Variants in NLRC3 observed in about 807,000 individuals in gnomAD.
The protein encoded by NLRC3 is NLR family CARD domain-containing protein 3.
Under a neutral mutation model 91.6 loss-of-function variants are expected in NLRC3, and 87 were observed. The observed-to-expected ratio is 0.95, with a 90% CI of 0.80 to 1.14. The LOEUF (loss-of-function observed/expected upper bound fraction) is 1.14. NLRC3 is among the 50% of genes most tolerant of loss of function. The probability of loss-of-function intolerance (pLI) is 0.00; values close to 1 mark genes in which losing one functional copy is unlikely to be tolerated. For synonymous variants in NLRC3, 694 were observed against 625.3 expected (o/e 1.11, Z -1.64); for missense variants, 1,577 against 1,418.6 (o/e 1.11, Z -1.79).
rs900736880 is a variant in NLRC3, at chr16:3,542,187, T to A, written c.3107+4A>T. The A allele has an allele frequency of 6.4e-7, 1 of 1,567,830 alleles. No homozygotes were observed. Among genetic ancestry groups the A allele is most frequent in the Admixed American group, 1.8e-5 (1 of 54,880 alleles). On this transcript the variant is annotated splice_donor_region_variant and intron_variant, in intron 19 of 19. Coordinates refer to ENST00000359128, the MANE Select transcript of NLRC3 (RefSeq NM_178844.4). ...GGGTGAGCAGGAAGGGCAGGTGCACTCACTTGATATGCTGGAGCCTGTGGT... is the reference window on the plus strand; with the variant it reads ...GGGTGAGCAGGAAGGGCAGGTGCACACACTTGATATGCTGGAGCCTGTGGT...
At position 3,542,712 on chromosome 16, in the gene NLRC3, G is replaced by A. The variant is rs750907325; in HGVS notation, c.3003C>T (p.Asn1001=). ...AKALANALKV[N]SSLRRLNLQE... Reference sequence around the variant, plus strand: ...CTTACTTGAGTCTCCGGAGACTTGAGTTTACCTTCAGAGCATTTGCCAGGG... The same window carrying A: ...CTTACTTGAGTCTCCGGAGACTTGAATTTACCTTCAGAGCATTTGCCAGGG... The change falls in exon 18 of 20, where the codon AAC becomes AAT. Residue 1001 remains asparagine (N), a synonymous_variant. Coordinates refer to ENST00000359128, the MANE Select transcript of NLRC3 (RefSeq NM_178844.4). 1.3e-5 allele frequency: 21 copies of A among 1,610,204 alleles called. No homozygotes were observed. In the South Asian group the frequency reaches 2.3e-4, roughly 18 times the overall value.
rs1302605323 is a variant in NLRC3, at chr16:3,563,289, G to A, written c.1648C>T (p.Leu550=). ...GCATCGGGGCGCAGGCAGCCCTGCAGGAGCTCAGCCACCTGGGTCCGGTAG... is the reference window on the plus strand; with the variant it reads ...GCATCGGGGCGCAGGCAGCCCTGCAAGAGCTCAGCCACCTGGGTCCGGTAG... ...QAYRTQVAEL[L]QGCLRPDAAV... Residue 550 remains leucine (L), a synonymous_variant, in exon 5 of 20, where the codon CTG becomes TTG. Coordinates refer to ENST00000359128, the MANE Select transcript of NLRC3 (RefSeq NM_178844.4). 4.4e-6 allele frequency: 7 copies of A among 1,603,564 alleles called. No individual in the cohort carries two copies. The highest frequency in any genetic ancestry group is 6.0e-6 in the Non-Finnish European group (7 of 1,176,194).
At chr16:3,558,255 T>C (rs1859379) in intron 6 of NLRC3, among the ~76,000 whole-genome samples, 97,278 of 151,956 alleles carry the variant, frequency 0.64, 33,778 homozygotes, top group African/African-American at 0.91. Flanking sequence ...GGATTTAGCC[T>C]AGAAGGTTGA....
intron 1 of NLRC3, among the ~76,000 whole-genome samples, chr16:3,576,019 GC>G (rs1010022670): frequency 6.6e-6 from 1 of 152,192 alleles, no homozygotes; most frequent in Non-Finnish European, 1.5e-5. Flanking sequence ...GCACCTCAGG[GC>G]CCTACCCTGC....
At chr16:3,560,654 TC>T (rs1252179852) in intron 6 of NLRC3, among the ~76,000 whole-genome samples, 7 of 152,148 alleles carry the variant, frequency 4.6e-5, no homozygotes, top group Middle Eastern at 3.2e-3. Flanking sequence ...TTTGTTTTGT[TC>T]TTTTTTGAGA....
chr16:3,550,361 A>G (rs2038928247), intron 11 of NLRC3, 53 bp downstream of exon 11: 6 of 1,236,300 alleles, frequency 4.9e-6, no homozygotes, highest in East Asian at 4.7e-5. Context: ...CCGGCCCACT[A>G]TCTACTGGAA....
At chr16:3,565,114 T>A in intron 3 of NLRC3, 54 bp from the exon 4 acceptor site, 2 of 1,393,866 alleles carry the variant, frequency 1.4e-6, no homozygotes, top group Non-Finnish European at 2.0e-6. Context: ...TCCAGCAGCC[T>A]GGGACAGGTG....
chr16:3,543,532 G>T, intron 16 of NLRC3, 24 bp from the exon 17 acceptor site: 2 of 1,578,482 alleles, frequency 1.3e-6, no homozygotes, highest in African/African-American at 1.3e-5. Flanking sequence ...GGTGCCGTCA[G>T]TGTGAGCCGG....
At chr16:3,553,741 A>G (rs1384135351) in intron 9 of NLRC3, among the ~76,000 whole-genome samples, 1 of 150,262 alleles carries the variant, frequency 6.7e-6, no homozygotes, top group African/African-American at 2.4e-5. Context: ...ATTTTATTTT[A>G]TATTTTAATT....
chr16:3,552,119 G>A, intron 10 of NLRC3, 77 bp downstream of exon 10: 2 of 884,522 alleles, frequency 2.3e-6, no homozygotes, highest in South Asian at 1.4e-5. Flanking sequence ...CCATCCTCAG[G>A]CTCACAAATA....
chr16:3,570,579 G>C (rs989374841), intron 1 of NLRC3, among the ~76,000 whole-genome samples: 19 of 152,188 alleles, frequency 1.2e-4, no homozygotes, highest in Admixed American at 1.2e-3. Context: ...GGAATTCTAG[G>C]GGGAGGAGGA....
At chr16:3,542,638 C>A in intron 18 of NLRC3, 54 bp downstream of exon 18, 1 of 1,052,174 alleles carries the variant, frequency 9.5e-7, no homozygotes, top group South Asian at 1.3e-5. Context: ...CAGGGAGGAC[C>A]CAGCAGAGAA....
chr16:3,542,017 C>T, intron 19 of NLRC3, 102 bp from the exon 20 acceptor site: 1 of 820,538 alleles, frequency 1.2e-6, no homozygotes. Context: ...AGCCTTTGTG[C>T]TTCTAGGATC....
intron 2 of NLRC3, among the ~76,000 whole-genome samples, chr16:3,567,007 A>C (rs549769631): frequency 8.8e-4 from 134 of 152,264 alleles, no homozygotes; most frequent in African/African-American, 2.4e-3. Context: ...TTTTCTTACT[A>C]TGTTCCTGGG....
chr16:3,543,549 C>T lies in NLRC3; in HGVS notation c.2856-41G>A, dbSNP rs17136456. The T allele has an allele frequency of 7.5e-3, 10,343 of 1,374,550 alleles. 375 individuals are homozygous for T. The African/African-American group carries it at 0.098, about 13-fold the overall frequency. 85.1% of individuals were successfully genotyped at this position (1,374,550 alleles called of 1,614,324 possible). On this transcript the variant is annotated intron_variant, in intron 16 of 19. Coordinates refer to ENST00000359128, the MANE Select transcript of NLRC3 (RefSeq NM_178844.4). ...TGCCGTCAGTGTGAGCCGGCTGGGC[C>T]CACCTCCCTCCGCATACTCCGTTCC...
At chr16:3,557,416 C>T (rs2039393951) in intron 7 of NLRC3, among the ~76,000 whole-genome samples, 177 bp downstream of exon 7, 1 of 152,132 alleles carries the variant, frequency 6.6e-6, no homozygotes, top group Non-Finnish European at 1.5e-5. Context: ...AGAACCTGCT[C>T]CAAATGAAGT....
chr16:3,564,556 G>A lies in NLRC3; in HGVS notation c.381C>T (p.Leu127=). Residue 127 remains leucine, a synonymous_variant, in exon 5 of 20, where the codon CTC becomes CTT. Coordinates refer to ENST00000359128, the MANE Select transcript of NLRC3 (RefSeq NM_178844.4). This position sits in a 1 kb window ranked among gnomAD's most constrained non-coding sequence, Gnocchi z 5.9. ...HPARTVALDR[L]FLPLSRVSVP... is the part of the protein sequence containing the mutation. Reference sequence around the variant, plus strand: ...CAGACACCCGGGAGAGAGGCAGGAAGAGCCGGTCCAGGGCGACGGTCCTGG... The same window carrying A: ...CAGACACCCGGGAGAGAGGCAGGAAAAGCCGGTCCAGGGCGACGGTCCTGG... 6.2e-7 allele frequency: 1 copy of A among 1,611,954 alleles called. No homozygotes were observed. The highest frequency in any genetic ancestry group is 1.3e-5 in the African/African-American group (1 of 75,076).
intron 5 of NLRC3, 84 bp downstream of exon 5, chr16:3,562,925 G>C: frequency 8.0e-7 from 1 of 1,249,278 alleles, no homozygotes; most frequent in South Asian, 1.3e-5. Flanking sequence ...GAGACTGACA[G>C]AGAAGCTTGG....
Position 3,552,278 on chromosome 16 carries a change from G to A in NLRC3, c.2269C>T (p.Leu757=). The A allele has an allele frequency of 1.2e-6, 2 of 1,611,658 alleles. No homozygotes were observed. The highest frequency in any genetic ancestry group is 1.7e-6 in the Non-Finnish European group (2 of 1,177,850). ...ASNRTLSMLH[L]QKNSIGPMGA... ...ATGGGCCCGATGCTGTTCTTCTGCAGGCTGTGGGAGAAAAGAGAGGGGTCC... is the reference window on the plus strand; with the variant it reads ...ATGGGCCCGATGCTGTTCTTCTGCAAGCTGTGGGAGAAAAGAGAGGGGTCC... The change falls in exon 10 of 20, where the codon CTG becomes TTG. Residue 757 remains leucine, a splice_region_variant and synonymous_variant. Transcript: ENST00000359128.
Sources: allele counts gnomAD v4.1 joint callset (sites outside exome capture counted in the v4.1 genomes callset), GRCh38; gene constraint gnomAD v4.1.1; non-coding constraint Gnocchi (gnomAD v3.1); transcripts MANE v1.5; gene names NCBI Gene and HGNC (gene_info 2026-07-23, HGNC 2026-07-21).